Variants in PMFBP1 observed in about 807,000 individuals in gnomAD.
PMFBP1 encodes the protein polyamine modulated factor 1 binding protein 1.
PMFBP1 carries 131 observed loss-of-function variants against 137.8 expected under a neutral mutation model. The observed-to-expected ratio is 0.95, with a 90% CI of 0.82 to 1.10. The LOEUF (loss-of-function observed/expected upper bound fraction) is 1.10, where lower values mean the gene tolerates loss of function less well. PMFBP1 is among the 50% of genes least tolerant of loss of function. The probability of loss-of-function intolerance (pLI) is 0.00; values close to 1 mark genes in which losing one functional copy is unlikely to be tolerated. For synonymous variants in PMFBP1, 490 were observed against 450.4 expected (o/e 1.09, Z -1.11); for missense variants, 1,199 against 1,175.4 (o/e 1.02, Z -0.29).
the PMFBP1 span, among the ~76,000 whole-genome samples, chr16:72,193,434 T>C: frequency 6.6e-6 from 1 of 152,094 alleles, no homozygotes; most frequent in African/African-American, 2.4e-5. Flanking sequence ...AAAAAAATTG[T>C]GGAGGCAAAA....
intron 19 of PMFBP1, among the ~76,000 whole-genome samples, chr16:72,122,503 C>G (rs2042390553): frequency 6.6e-6 from 1 of 152,290 alleles, no homozygotes; most frequent in East Asian, 1.9e-4. Context: ...AACAGAAGGG[C>G]TCCTCCAACC....
chr16:72,117,532 C>G (rs890299986), downstream of PMFBP1, among the ~76,000 whole-genome samples: 7 of 152,266 alleles, frequency 4.6e-5, no homozygotes, highest in Middle Eastern at 3.4e-3. Flanking sequence ...CTGCCTAGAG[C>G]TGCCAGTACG....
rs2042536511 is a variant in PMFBP1 at position 72,130,656 on chromosome 16, C to T, written c.1514G>A (p.Arg505Lys). 3 of 1,613,910 alleles carry T rather than the reference C, an allele frequency of 1.9e-6. No individual in the cohort carries two copies. The highest frequency in any genetic ancestry group is 2.2e-5 in the South Asian group (2 of 91,064). The change falls in exon 11 of 21, where the codon AGG (arginine) becomes AAG (lysine). Residue 505 changes from arginine to lysine, a missense_variant. By Grantham distance (26) the Arg-to-Lys change is conservative. Coordinates refer to ENST00000237353, the MANE Select transcript of PMFBP1 (RefSeq NM_031293.3). ...LAGCHLEDTQ[R>K]KLQKGLLLDK... ...CAGGAGGAGACCCTTCTGCAGTTTC[C>T]TCTGGGTGTCCTCCAGGTGACAGCC...
At chr16:72,186,121 G>C in the PMFBP1 span, among the ~76,000 whole-genome samples, 1 of 152,112 alleles carries the variant, frequency 6.6e-6, no homozygotes, top group Non-Finnish European at 1.5e-5. Context: ...AGATTGATAA[G>C]CTCTTTCTTA....
chr16:72,225,715 A>T, the PMFBP1 span, among the ~76,000 whole-genome samples: 737 of 91,082 alleles, frequency 8.1e-3, 8 homozygotes, highest in Admixed American at 0.017. Context: ...TGTTTATAAT[A>T]ATAATAATAA....
At chr16:72,216,726 G>C in the PMFBP1 span, among the ~76,000 whole-genome samples, 1 of 152,318 alleles carries the variant, frequency 6.6e-6, no homozygotes, top group East Asian at 1.9e-4. Context: ...GCTTCCAGCA[G>C]AGCATAAATG....
At chr16:72,241,727 T>A in the PMFBP1 span, among the ~76,000 whole-genome samples, 2 of 152,194 alleles carry the variant, frequency 1.3e-5, no homozygotes, top group African/African-American at 2.4e-5. Flanking sequence ...CAATTCAGCA[T>A]CCATGGAGAC....
At chr16:72,226,399 C>T in the PMFBP1 span, among the ~76,000 whole-genome samples, 2 of 152,178 alleles carry the variant, frequency 1.3e-5, no homozygotes, top group South Asian at 2.1e-4. Context: ...CCAAGTGGTG[C>T]GTAGGCTTCC....
chr16:72,150,895 G>C lies in PMFBP1; in HGVS notation c.415-66C>G, dbSNP rs1039540891. On this transcript the variant is annotated intron_variant, in intron 4 of 20. Coordinates refer to ENST00000237353, the MANE Select transcript of PMFBP1 (RefSeq NM_031293.3). ...CACGTAATGAGGAAAGGATGCGGTT[G>C]TAAGATTCCCTGCAGAGAAGTCTTG... is the stretch of plus-strand genomic sequence containing the variant. 3 of 1,387,808 alleles carry C rather than the reference G, an allele frequency of 2.2e-6. No homozygotes were observed. In the African/African-American group the frequency reaches 4.3e-5, roughly 20 times the overall value. 86.0% of individuals were successfully genotyped at this position (1,387,808 alleles called of 1,614,324 possible). A position where few individuals can be genotyped will look rare whatever the true frequency, so the allele number is the denominator to read the frequency against.
chr16:72,224,978 A>AT, the PMFBP1 span: 2 of 152,182 alleles, frequency 1.3e-5, no homozygotes, highest in African/African-American at 2.4e-5. Flanking sequence ...GTTTTGACAC[A>AT]TTTTTTGTTC....
At chr16:72,141,286 A>T (rs947002250) in intron 5 of PMFBP1, among the ~76,000 whole-genome samples, 16 of 152,258 alleles carry the variant, frequency 1.1e-4, no homozygotes, top group Non-Finnish European at 1.6e-4. Flanking sequence ...TTCACTTGAC[A>T]ATTTATTTAA....
chr16:72,238,322 G>T, the PMFBP1 span, among the ~76,000 whole-genome samples: 6 of 152,050 alleles, frequency 3.9e-5, no homozygotes, highest in Non-Finnish European at 8.8e-5. Context: ...GTTATTTTTT[G>T]ACTTTTTAAT....
At chr16:72,194,439 C>T in the PMFBP1 span, among the ~76,000 whole-genome samples, 4 of 152,146 alleles carry the variant, frequency 2.6e-5, no homozygotes, top group African/African-American at 9.7e-5. Context: ...CGATTCGTTG[C>T]ATTTTTTATT....
In PMFBP1 at chr16:72,136,743, A is replaced by C; in HGVS notation, c.995T>G (p.Leu332Arg). 6.2e-7 allele frequency: 1 copy of C among 1,614,166 alleles called. No homozygotes were observed. Among genetic ancestry groups the C allele is most frequent in the Non-Finnish European group, 8.5e-7 (1 of 1,180,024 alleles). ...VEEYQNLVKD[L>R]RVELEAVSEQ... is the part of the protein sequence containing the mutation. ...CGACACGGCCTCTAGTTCCACGCGC[A>C]GATCCTTCACCAGGTTCTGGTACTC... The change falls in exon 8 of 21, where the codon CTG becomes CGG. Residue 332 changes from leucine (L) to arginine (R), a missense_variant. Physicochemically the swap from Leu to Arg is moderately radical, Grantham distance 102 (BLOSUM62 -2). Coordinates refer to ENST00000237353, the MANE Select transcript of PMFBP1 (RefSeq NM_031293.3).
upstream of PMFBP1, chr16:72,173,950 G>A (rs2043243519): frequency 6.6e-6 from 1 of 152,260 alleles, no homozygotes; most frequent in Non-Finnish European, 1.5e-5. Flanking sequence ...TTGCGTCTCT[G>A]TTGAGACCTT....
chr16:72,136,366 G>T (rs1421412442), intron 9 of PMFBP1, 82 bp downstream of exon 9: 1 of 1,496,702 alleles, frequency 6.7e-7, no homozygotes. Flanking sequence ...AATAATGGTG[G>T]GTGAAGGCAG....
At chr16:72,186,340 A>G in the PMFBP1 span, among the ~76,000 whole-genome samples, 1 of 152,172 alleles carries the variant, frequency 6.6e-6, no homozygotes, top group Admixed American at 6.6e-5. Context: ...CTTTCTATTC[A>G]AATAATTAAG....
chr16:72,147,418 A>T (rs935611846), intron 5 of PMFBP1, among the ~76,000 whole-genome samples: 5 of 152,230 alleles, frequency 3.3e-5, no homozygotes, highest in Non-Finnish European at 7.3e-5. Context: ...AACCATATAA[A>T]CCCTAGAAGA....
chr16:72,126,949 G>T (rs2042469216), intron 14 of PMFBP1, among the ~76,000 whole-genome samples: 1 of 152,168 alleles, frequency 6.6e-6, no homozygotes, highest in Non-Finnish European at 1.5e-5. Flanking sequence ...GGTGATATGT[G>T]TAAAAAGGGC....
Sources: allele counts gnomAD v4.1 joint callset (sites outside exome capture counted in the v4.1 genomes callset), GRCh38; gene constraint gnomAD v4.1.1; transcripts MANE v1.5; gene names NCBI Gene and HGNC (gene_info 2026-07-23, HGNC 2026-07-21).